The following SYT17 variants were observed in gnomAD, a reference collection of about 807,000 sequenced individuals.
The protein encoded by SYT17 is synaptotagmin-17.
In SYT17, 22 loss-of-function variants were observed where a neutral mutation model predicts 46.7. That is an observed-to-expected ratio of 0.47 (90% CI 0.34 to 0.67). The LOEUF (loss-of-function observed/expected upper bound fraction) is 0.67, where lower values mean the gene tolerates loss of function less well. SYT17 is among the 30% of genes least tolerant of loss of function. SYT17 has a pLI of 0.01. For synonymous variants in SYT17, 251 were observed against 248.4 expected (o/e 1.01, Z -0.10); for missense variants, 519 against 612.8 (o/e 0.85, Z 1.62).
At chr16:19,256,556 CTAT>C (rs66644033) in intron 7 of SYT17, among the ~76,000 whole-genome samples, 3,206 of 144,936 alleles carry the variant, frequency 0.022, 65 homozygotes, top group African/African-American at 0.055. Context: ...ATGGGTGAGT[CTAT>C]TATTATTATT....
At chr16:19,200,199 C>G (rs892920983) in intron 5 of SYT17, among the ~76,000 whole-genome samples, 3 of 152,236 alleles carry the variant, frequency 2.0e-5, no homozygotes, top group African/African-American at 7.2e-5. Flanking sequence ...GGACTTCTCT[C>G]TAGAGCAGTG....
At chr16:19,227,891 T>C (rs1172846525) in intron 7 of SYT17, among the ~76,000 whole-genome samples, 3 of 152,228 alleles carry the variant, frequency 2.0e-5, no homozygotes, top group African/African-American at 7.2e-5. Flanking sequence ...GGACATTCCA[T>C]GGATACCACA....
At chr16:19,197,113 C>T (rs1412642809) in intron 5 of SYT17, among the ~76,000 whole-genome samples, 2 of 152,206 alleles carry the variant, frequency 1.3e-5, no homozygotes, top group Non-Finnish European at 2.9e-5. Flanking sequence ...TTAACTTGCC[C>T]TGAGCTGCTG....
intron 7 of SYT17, among the ~76,000 whole-genome samples, chr16:19,250,330 G>A (rs898671472): frequency 4.7e-5 from 7 of 149,412 alleles, no homozygotes; most frequent in Non-Finnish European, 7.4e-5. Context: ...GACTCTCGGG[G>A]TAATTTCAAA....
At chr16:19,176,010 T>C (rs1476376824) in intron 3 of SYT17, among the ~76,000 whole-genome samples, 1 of 152,214 alleles carries the variant, frequency 6.6e-6, no homozygotes, top group Non-Finnish European at 1.5e-5. Flanking sequence ...GGTTGCCCCC[T>C]AGAGTTGTGC....
intron 5 of SYT17, among the ~76,000 whole-genome samples, chr16:19,202,336 A>C (rs74982731): frequency 6.6e-6 from 1 of 152,202 alleles, no homozygotes; most frequent in East Asian, 1.9e-4. Context: ...TACTATGACC[A>C]GTTTATTATA....
At chr16:19,176,722 GC>G (rs1275384305) in intron 3 of SYT17, among the ~76,000 whole-genome samples, 1 of 152,150 alleles carries the variant, frequency 6.6e-6, no homozygotes, top group Non-Finnish European at 1.5e-5. Flanking sequence ...TCATTGTGTT[GC>G]CCAGGCTGGT....
intron 5 of SYT17, among the ~76,000 whole-genome samples, chr16:19,220,876 C>T (rs1266488126): frequency 6.6e-6 from 1 of 152,032 alleles, no homozygotes; most frequent in Non-Finnish European, 1.5e-5. Context: ...GGTGATCAGA[C>T]ATTACCTGAG....
intron 5 of SYT17, among the ~76,000 whole-genome samples, chr16:19,190,768 C>CTGTG (rs56947560): frequency 0.016 from 2,305 of 144,768 alleles, 53 homozygotes; most frequent in African/African-American, 0.055. Context: ...AATAATATTC[C>CTGTG]TGTGTGTGTG....
intron 7 of SYT17, among the ~76,000 whole-genome samples, chr16:19,233,992 A>C (rs1315108755): frequency 2.6e-5 from 4 of 152,118 alleles, no homozygotes; most frequent in African/African-American, 9.7e-5. Context: ...GGCTATTCAG[A>C]GTATGGATTG....
At chr16:19,217,889 T>C (rs2142839413) in intron 5 of SYT17, among the ~76,000 whole-genome samples, 1 of 152,354 alleles carries the variant, frequency 6.6e-6, no homozygotes, top group East Asian at 1.9e-4. Context: ...CCTGGAATTT[T>C]GATTTGTTTT....
At chr16:19,194,286 C>T (rs1965145916) in intron 5 of SYT17, among the ~76,000 whole-genome samples, 1 of 152,192 alleles carries the variant, frequency 6.6e-6, no homozygotes, top group Admixed American at 6.5e-5. Context: ...TGTCTCCATT[C>T]AGCCAATGCT....
intron 5 of SYT17, among the ~76,000 whole-genome samples, chr16:19,203,022 G>A (rs769486358): frequency 1.3e-4 from 20 of 152,106 alleles, no homozygotes; most frequent in African/African-American, 3.9e-4. Flanking sequence ...CAACGGGGAC[G>A]AGGATCCAAT....
At chr16:19,213,875 A>G (rs779060060) in intron 5 of SYT17, among the ~76,000 whole-genome samples, 2 of 152,130 alleles carry the variant, frequency 1.3e-5, no homozygotes, top group Admixed American at 6.5e-5. Flanking sequence ...TCCTGTTAAA[A>G]TTTTGTTCAG....
At chr16:19,248,486 A>C (rs892204504) in intron 7 of SYT17, among the ~76,000 whole-genome samples, 1 of 152,254 alleles carries the variant, frequency 6.6e-6, no homozygotes, top group African/African-American at 2.4e-5. Flanking sequence ...ATGTCCATCA[A>C]CTGATGAATG....
chr16:19,254,307 G>A (rs1447230375), intron 7 of SYT17, among the ~76,000 whole-genome samples: 2 of 152,034 alleles, frequency 1.3e-5, no homozygotes, highest in African/African-American at 2.4e-5. Flanking sequence ...TAGTAGGATC[G>A]GGCCCCTTTC....
At chr16:19,201,117 G>T (rs1034385718) in intron 5 of SYT17, among the ~76,000 whole-genome samples, 4 of 152,124 alleles carry the variant, frequency 2.6e-5, no homozygotes, top group African/African-American at 9.7e-5. Flanking sequence ...ACAGTCCAGG[G>T]GACCACAGCA....
At chr16:19,169,315 T>G (rs1963992892) in intron 1 of SYT17, among the ~76,000 whole-genome samples, 1 of 151,218 alleles carries the variant, frequency 6.6e-6, no homozygotes, top group Non-Finnish European at 1.5e-5. Context: ...TAAGCAGCCT[T>G]TTTTGGGGGG....
At chr16:19,212,094 A>G (rs746399483) in intron 5 of SYT17, among the ~76,000 whole-genome samples, 12 of 152,168 alleles carry the variant, frequency 7.9e-5, no homozygotes, top group Non-Finnish European at 1.3e-4. Flanking sequence ...CTCAGTGGAC[A>G]TTTGACGATG....
Sources: gnomAD v4.1 joint callset for allele counts (sites outside exome capture counted in the v4.1 genomes callset) on GRCh38, gnomAD v4.1.1 for gene constraint, MANE v1.5 for transcripts, NCBI Gene and HGNC (gene_info 2026-07-23, HGNC 2026-07-21) for gene names.